RARB: variants seen among roughly 807,000 people sequenced by gnomAD.
RARB encodes the protein HBV-activated protein.
Under a neutral mutation model 51.9 loss-of-function variants are expected in RARB, and 17 were observed. That is an observed-to-expected ratio of 0.33 (90% CI 0.22 to 0.49). The LOEUF (loss-of-function observed/expected upper bound fraction) is 0.49, where lower values mean the gene tolerates loss of function less well. RARB is among the 20% of genes least tolerant of loss of function. The pLI, the probability that RARB is intolerant of heterozygous loss-of-function variation, is 0.99. For synonymous variants in RARB, 215 were observed against 195.4 expected (o/e 1.10, Z -0.84); for missense variants, 369 against 550.8 (o/e 0.67, Z 3.30).
At chr3:25,356,342 T>C (rs985455550) in intron 5 of RARB, among the ~76,000 whole-genome samples, 3 of 152,122 alleles carry the variant, frequency 2.0e-5, no homozygotes, top group Non-Finnish European at 4.4e-5. Context: ...AACGTTGCCT[T>C]TTGACATTTT....
chr3:25,247,663 C>CA (rs1702598243), intron 5 of RARB, among the ~76,000 whole-genome samples: 1 of 152,232 alleles, frequency 6.6e-6, no homozygotes, highest in Non-Finnish European at 1.5e-5. Context: ...ACTGTCTAAC[C>CA]AATCCCAATG....
chr3:25,576,575 C>T (rs909475051), intron 4 of RARB, among the ~76,000 whole-genome samples: 19 of 152,152 alleles, frequency 1.2e-4, no homozygotes, highest in African/African-American at 4.3e-4. Context: ...GAATCTTAGA[C>T]GATGGTGGTC....
chr3:24,930,967 T>G (rs184095296), intron 2 of RARB, among the ~76,000 whole-genome samples: 162 of 152,220 alleles, frequency 1.1e-3, no homozygotes, highest in Non-Finnish European at 1.5e-3. Context: ...TAGCTATTAT[T>G]GTGCCGTTGC....
At chr3:25,061,395 G>T (rs1698546433) in intron 3 of RARB, among the ~76,000 whole-genome samples, 1 of 151,762 alleles carries the variant, frequency 6.6e-6, no homozygotes, top group African/African-American at 2.4e-5. Flanking sequence ...ATCTTCCAGT[G>T]TATCTATTGG....
chr3:25,515,955 C>T lies in RARB; in HGVS notation c.448+14632C>T, dbSNP rs78060979. On this transcript the variant is annotated intron_variant, in intron 3 of 7. Transcript: ENST00000330688. The stretch of plus-strand genomic sequence containing the variant: ...TGTGTTATCATCAAGAAGAGTAATA[C>T]CTCTCATTAGAAGAATCTTCCTTCC... Among the ~76,000 whole-genome samples the T allele has an allele frequency of 1.9e-3, 284 of 152,288 alleles. 3 individuals are homozygous for T. The East Asian group carries it at 0.048, about 26-fold the overall frequency.
intron 2 of RARB, among the ~76,000 whole-genome samples, chr3:24,907,173 C>T (rs1694885994): frequency 1.3e-5 from 2 of 152,088 alleles, no homozygotes; most frequent in Non-Finnish European, 2.9e-5. Flanking sequence ...TGGGCAAACC[C>T]CTGAGGAACC....
rs911233340 is a variant in RARB, at chr3:25,494,829, G to T, written c.307-6353G>T. Among the ~76,000 whole-genome samples the T allele has an allele frequency of 2.6e-5, 4 of 152,312 alleles. 1 individual carries two copies. The highest frequency in any genetic ancestry group is 4.1e-4 in the South Asian group (2 of 4,826). On this transcript the variant is annotated intron_variant, in intron 2 of 7. Transcript: ENST00000330688. ...GGGATCTTTATTTTAAACATAGAATGTGTATGGGAAATTGTTCAGAAAAAA... is the reference window on the plus strand; with the variant it reads ...GGGATCTTTATTTTAAACATAGAATTTGTATGGGAAATTGTTCAGAAAAAA...
chr3:25,218,599 A>AG (rs1701883541), intron 5 of RARB, among the ~76,000 whole-genome samples: 1 of 152,176 alleles, frequency 6.6e-6, no homozygotes, highest in South Asian at 2.1e-4. Context: ...GACAGAGAGG[A>AG]GGACCCTCAG....
intron 2 of RARB, among the ~76,000 whole-genome samples, chr3:25,491,940 CAAA>C (rs58891196): frequency 0.013 from 1,909 of 143,350 alleles, 40 homozygotes; most frequent in African/African-American, 0.045. Flanking sequence ...GACTCTGTCT[CAAA>C]AAAAAAAAAA....
Position 25,294,125 on chromosome 3 carries a change from C to G in RARB, c.178+119550C>G, listed in dbSNP as rs141931494. 1.3e-4 allele frequency among the ~76,000 whole-genome samples: 20 copies of G among 152,260 alleles called. No homozygotes were observed. The East Asian group carries it at 3.7e-3, about 28-fold the overall frequency. ...TCCACATCTGTAAGAATTCCATGAA[C>G]AAGTCAGAACTTGCCAAAAGGATCA... On this transcript the variant is annotated intron_variant, in intron 5 of 11. Transcript: ENST00000383772.
chr3:25,414,510 T>C (rs192226453), intron 5 of RARB, among the ~76,000 whole-genome samples: 1 of 152,322 alleles, frequency 6.6e-6, no homozygotes, highest in African/African-American at 2.4e-5. Flanking sequence ...GTTTATGATT[T>C]TATATTTCTT....
rs115347927 is a variant in RARB, at chr3:24,891,428, T to A, written c.-380+32676T>A. Among the ~76,000 whole-genome samples, 1,003 of 152,252 alleles carry A rather than the reference T, an allele frequency of 6.6e-3. 8 individuals carry two copies. The highest frequency in any genetic ancestry group is 0.022 in the African/African-American group (929 of 41,554). On this transcript the variant is annotated intron_variant, in intron 2 of 11. Transcript: ENST00000383772. ...TCCAACATCTCCGAAATGGGAAGAA[T>A]CATAGCCCCCACTAGGTTAGTAGTG...
Position 25,017,277 on chromosome 3 carries a change from C to A in RARB, c.-379-42848C>A, listed in dbSNP as rs550788818. 2.9e-5 allele frequency among the ~76,000 whole-genome samples: 4 copies of A among 140,058 alleles called. No individual in the cohort carries two copies. In the East Asian group the frequency reaches 8.6e-4, roughly 30 times the overall value. The allele number at this position is 140,058 out of a possible 152,430, so 91.9% of individuals were successfully genotyped here. A position where few individuals can be genotyped will look rare whatever the true frequency, so the allele number is the denominator to read the frequency against. Reference sequence around the variant, plus strand: ...AAGTGAACTCGATTGTGACTAATTTCTCTTCTGGCTATAAATAAAATCATC... The same window carrying A: ...AAGTGAACTCGATTGTGACTAATTTATCTTCTGGCTATAAATAAAATCATC... On this transcript the variant is annotated intron_variant, in intron 2 of 11. Coordinates refer to the RARB transcript ENST00000383772.
At chr3:25,051,405 C>T (rs1487117867) in intron 2 of RARB, among the ~76,000 whole-genome samples, 1 of 152,122 alleles carries the variant, frequency 6.6e-6, no homozygotes, top group Non-Finnish European at 1.5e-5. Context: ...TTTCAAAGAA[C>T]TGTCTAAAGA....
At chr3:24,904,716 T>A (rs767639717) in intron 2 of RARB, among the ~76,000 whole-genome samples, 5 of 152,212 alleles carry the variant, frequency 3.3e-5, no homozygotes, top group African/African-American at 4.8e-5. Context: ...TGCACACGTA[T>A]GTTTACTGCA....
intron 1 of RARB, among the ~76,000 whole-genome samples, chr3:25,434,681 A>G (rs979617922): frequency 2.2e-4 from 33 of 151,662 alleles, no homozygotes; most frequent in Non-Finnish European, 4.3e-4. Context: ...AGCTGGGACT[A>G]CAGGCGTGTG....
chr3:25,535,645 G>T lies in RARB; in HGVS notation c.449-34113G>T, dbSNP rs539472609. On this transcript the variant is annotated intron_variant, in intron 3 of 7. Transcript: ENST00000330688. ...CTCATTGTTCAACTCCCACTTATGA[G>T]TGAGAACATGCGGTGTTTGGCTTTC... is the stretch of plus-strand genomic sequence containing the variant. 4.6e-5 allele frequency among the ~76,000 whole-genome samples: 7 copies of T among 152,190 alleles called. No individual in the cohort carries two copies. In the East Asian group the frequency reaches 1.4e-3, roughly 29 times the overall value.
chr3:25,171,643 T>TAAAAAAAAACAAAAAAAAAA, intron 4 of RARB, among the ~76,000 whole-genome samples: 1 of 45,462 alleles, frequency 2.2e-5, no homozygotes, highest in Non-Finnish European at 4.0e-5. Context: ...CCCTGGTTGG[T>TAAAAAAAAACAAAAAAAAAA]AAAAAAAAAA....
intron 3 of RARB, among the ~76,000 whole-genome samples, chr3:25,082,975 T>G (rs958470655): frequency 1.3e-5 from 2 of 152,106 alleles, no homozygotes; most frequent in Non-Finnish European, 2.9e-5. Context: ...TTAATTTCAG[T>G]AATTTAGAGA....
Sources: allele counts gnomAD v4.1 joint callset (sites outside exome capture counted in the v4.1 genomes callset), GRCh38; gene constraint gnomAD v4.1.1; transcripts MANE v1.5; gene names NCBI Gene and HGNC (gene_info 2026-07-23, HGNC 2026-07-21).